RBX1: variants seen among roughly 807,000 people sequenced by gnomAD.
The protein encoded by RBX1 is ring-box 1.
For missense variants in RBX1, 46 were observed against 141.4 expected, an observed-to-expected ratio of 0.33 and a Z score of 3.42; for synonymous variants, 48 against 47.9, an observed-to-expected ratio of 1.00 and a Z score of -0.01.
chr22:40,959,050 G>A (rs917432008), intron 2 of RBX1, among the ~76,000 whole-genome samples: 4 of 152,012 alleles, frequency 2.6e-5, no homozygotes, highest in Non-Finnish European at 5.9e-5. Context: ...TCCTGACCTC[G>A]AGTGATCCAC....
intron 2 of RBX1, among the ~76,000 whole-genome samples, chr22:40,961,580 A>G (rs915488380): frequency 9.9e-5 from 15 of 150,800 alleles, no homozygotes; most frequent in African/African-American, 3.4e-4. Flanking sequence ...CGCCTGGCTA[A>G]TTTTTAAATA....
intron 3 of RBX1, among the ~76,000 whole-genome samples, chr22:40,965,699 C>T (rs1335413259): frequency 6.6e-6 from 1 of 152,162 alleles, no homozygotes; most frequent in African/African-American, 2.4e-5. Flanking sequence ...GCCTCGGCCT[C>T]CCAAAGTGCT....
chr22:40,961,760 C>A (rs997884696), intron 2 of RBX1, among the ~76,000 whole-genome samples: 2 of 151,570 alleles, frequency 1.3e-5, no homozygotes, highest in East Asian at 3.9e-4. Flanking sequence ...GTGAATCTGG[C>A]TAGCAAAAGT....
intron 4 of RBX1, among the ~76,000 whole-genome samples, chr22:40,968,329 G>C (rs972436779): frequency 2.6e-5 from 4 of 152,086 alleles, no homozygotes; most frequent in Non-Finnish European, 5.9e-5. Flanking sequence ...GATCTCAACT[G>C]ATCTGCCTGC....
chr22:40,953,148 G>C (rs750080507), intron 1 of RBX1, among the ~76,000 whole-genome samples: 2 of 151,932 alleles, frequency 1.3e-5, no homozygotes, highest in Non-Finnish European at 2.9e-5. Context: ...CCGCCACCAG[G>C]CCTGGCTAAT....
At chr22:40,972,174 CTT>C (rs1213882278) in intron 4 of RBX1, among the ~76,000 whole-genome samples, 1 of 152,212 alleles carries the variant, frequency 6.6e-6, no homozygotes, top group Non-Finnish European at 1.5e-5. Context: ...CCACCAATGA[CTT>C]TTCCCTCTCA....
chr22:40,964,573 A>G (rs778609383), intron 3 of RBX1, among the ~76,000 whole-genome samples: 6 of 152,240 alleles, frequency 3.9e-5, no homozygotes, highest in East Asian at 1.9e-4. Context: ...ATTTTTTAAC[A>G]TGGCTTATGC....
At chr22:40,967,955 G>A in intron 4 of RBX1, 71 bp downstream of exon 4, 1 of 1,034,002 alleles carries the variant, frequency 9.7e-7, no homozygotes, top group Non-Finnish European at 1.5e-6. Context: ...GGTCTTGGGG[G>A]ATGGAGACAT....
chr22:40,966,080 A>G (rs1285053139), intron 3 of RBX1: 2 of 152,182 alleles, frequency 1.3e-5, no homozygotes, highest in Non-Finnish European at 2.9e-5. Flanking sequence ...TGAATTAGGC[A>G]AGTCACTTGT....
intron 2 of RBX1, among the ~76,000 whole-genome samples, chr22:40,955,413 A>G (rs1055108604): frequency 6.6e-6 from 1 of 152,030 alleles, no homozygotes; most frequent in East Asian, 1.9e-4. Context: ...ATTTTCTAGT[A>G]TCCACATTCA....
At chr22:40,958,887 C>G (rs750333189) in intron 2 of RBX1, among the ~76,000 whole-genome samples, 10 of 152,054 alleles carry the variant, frequency 6.6e-5, no homozygotes, top group Non-Finnish European at 1.3e-4. Flanking sequence ...GATCTCGGTG[C>G]ACTGCAACCT....
intron 3 of RBX1, chr22:40,966,617 A>T (rs957299018): frequency 6.6e-6 from 1 of 152,224 alleles, no homozygotes; most frequent in Non-Finnish European, 1.5e-5. Context: ...CTAGTGTACT[A>T]GCTGTGGATT....
chr22:40,963,033 G>T (rs1045627194), intron 2 of RBX1, among the ~76,000 whole-genome samples: 5 of 150,568 alleles, frequency 3.3e-5, no homozygotes, highest in Admixed American at 1.3e-4. Context: ...AGTAGAGACA[G>T]GTTTCACCAT....
chr22:40,951,512 G>C lies in RBX1; in HGVS notation c.78+36G>C, dbSNP rs1270349852. 7.5e-6 allele frequency: 12 copies of C among 1,598,722 alleles called. No homozygotes were observed. The South Asian group carries it at 7.8e-5, about 10-fold the overall frequency. ...GCCAGCGCCTTCCTCAGGGAAGCTAGAGAGGCGCGGATCTGGCTGGCAGGC... is the reference window on the plus strand; with the variant it reads ...GCCAGCGCCTTCCTCAGGGAAGCTACAGAGGCGCGGATCTGGCTGGCAGGC... On this transcript the variant is annotated intron_variant, in intron 1 of 4. Transcript: ENST00000216225.
intron 3 of RBX1, 68 bp from the exon 4 acceptor site, chr22:40,967,731 G>T: frequency 1.6e-6 from 2 of 1,286,348 alleles, no homozygotes; most frequent in South Asian, 1.2e-5. Flanking sequence ...TACCCTGTGG[G>T]ACCTGTTGTC....
At position 40,953,572 on chromosome 22, in the gene RBX1, C is replaced by A; in HGVS notation, c.96C>A (p.Leu32=). Residue 32 remains leucine, a synonymous_variant, in exon 2 of 5, where the codon CTC becomes CTA. Coordinates refer to ENST00000216225, the MANE Select transcript of RBX1 (RefSeq NM_014248.4). The stretch of plus-strand genomic sequence containing the variant: ...CTTTGCAGTGGAATGCAGTAGCCCT[C>A]TGGGCCTGGGATATTGTGGTTGATA... The part of the protein sequence containing the change: ...FEVKKWNAVA[L]WAWDIVVDNC... 1 of 1,610,822 alleles carries A rather than the reference C, an allele frequency of 6.2e-7. No homozygotes were observed. Among genetic ancestry groups the A allele is most frequent in the Non-Finnish European group, 8.5e-7 (1 of 1,177,510 alleles).
chr22:40,970,845 T>C (rs2058367154), intron 4 of RBX1, among the ~76,000 whole-genome samples: 1 of 152,174 alleles, frequency 6.6e-6, no homozygotes, highest in Admixed American at 6.6e-5. Flanking sequence ...GGTAAAACAT[T>C]TGGAAGTCTT....
At chr22:40,956,974 G>T (rs2058327332) in intron 2 of RBX1, among the ~76,000 whole-genome samples, 1 of 151,998 alleles carries the variant, frequency 6.6e-6, no homozygotes, top group Non-Finnish European at 1.5e-5. Context: ...GGCGGAGGTT[G>T]CAGTGAGCTG....
chr22:40,964,688 AATTC>A (rs1341100447), intron 3 of RBX1, among the ~76,000 whole-genome samples: 1 of 152,212 alleles, frequency 6.6e-6, no homozygotes, highest in Non-Finnish European at 1.5e-5. Context: ...ATGTGTTAAA[AATTC>A]ATTCTTTAAG....
Sources: gnomAD v4.1 joint callset for allele counts (sites outside exome capture counted in the v4.1 genomes callset) on GRCh38, gnomAD v4.1.1 for gene constraint, MANE v1.5 for transcripts, NCBI Gene and HGNC (gene_info 2026-07-23, HGNC 2026-07-21) for gene names.